KYNU: variants seen among roughly 807,000 people sequenced by gnomAD.
KYNU encodes the protein kynureninase.
A neutral mutation model predicts 59.2 loss-of-function variants in KYNU; 54 were observed. The observed-to-expected ratio is 0.91, with a 90% CI of 0.73 to 1.14. The LOEUF (loss-of-function observed/expected upper bound fraction) is 1.14. KYNU is among the 50% of genes most tolerant of loss of function. The probability of loss-of-function intolerance (pLI) is 0.00; values close to 1 mark genes in which losing one functional copy is unlikely to be tolerated. For synonymous variants in KYNU, 177 were observed against 192.0 expected (o/e 0.92, Z 0.65); for missense variants, 567 against 554.4 (o/e 1.02, Z -0.23).
At position 143,039,293 on chromosome 2, in the gene KYNU, G is replaced by A. The variant is rs560556592; in HGVS notation, c.1042-1135G>A. Among the ~76,000 whole-genome samples the A allele has an allele frequency of 2.6e-5, 4 of 152,196 alleles. No homozygotes were observed. In the South Asian group the frequency reaches 8.3e-4, roughly 32 times the overall value. On this transcript the variant is annotated intron_variant, in intron 12 of 13. Transcript: ENST00000264170. ...TAAACTGGAAGAGATTTGGGAGTCA[G>A]TAAAGCAGTTATAAATATCACCAGT...
At chr2:142,960,232 G>A (rs1684297815) in intron 7 of KYNU, among the ~76,000 whole-genome samples, 5 of 152,114 alleles carry the variant, frequency 3.3e-5, no homozygotes, top group Admixed American at 2.6e-4. Flanking sequence ...ATTGATAAAT[G>A]CAATACCAAT....
intron 2 of KYNU, among the ~76,000 whole-genome samples, chr2:142,915,510 T>C (rs555066780): frequency 6.6e-6 from 1 of 152,338 alleles, no homozygotes; most frequent in African/African-American, 2.4e-5. Flanking sequence ...TGTTGATATT[T>C]TGAAACTAGT....
At chr2:142,883,490 G>T (rs144400068) in intron 1 of KYNU, among the ~76,000 whole-genome samples, 3 of 151,902 alleles carry the variant, frequency 2.0e-5, no homozygotes, top group Non-Finnish European at 2.9e-5. Flanking sequence ...GAGCCACTGC[G>T]CCTGGCCCCA....
At chr2:143,015,323 T>A (rs1322782181) in intron 10 of KYNU, among the ~76,000 whole-genome samples, 1 of 152,080 alleles carries the variant, frequency 6.6e-6, no homozygotes, top group Non-Finnish European at 1.5e-5. Flanking sequence ...AAAATTTGAA[T>A]GGAAAAAGAG....
chr2:142,953,178 A>C (rs1457866899), intron 4 of KYNU, among the ~76,000 whole-genome samples: 1 of 152,206 alleles, frequency 6.6e-6, no homozygotes, highest in Non-Finnish European at 1.5e-5. Flanking sequence ...AGAAGTCATG[A>C]TGTCCTGGCA....
At chr2:142,971,918 C>T (rs1480565405) in intron 8 of KYNU, among the ~76,000 whole-genome samples, 1 of 152,180 alleles carries the variant, frequency 6.6e-6, no homozygotes, top group Admixed American at 6.6e-5. Flanking sequence ...TTCTTTGACA[C>T]ACTTAGGACG....
At chr2:142,981,218 T>A (rs553527896) in intron 8 of KYNU, among the ~76,000 whole-genome samples, 1 of 152,288 alleles carries the variant, frequency 6.6e-6, no homozygotes, top group Admixed American at 6.5e-5. Flanking sequence ...TTGTGGTTTC[T>A]TCAGTGTGCC....
chr2:142,919,018 A>G (rs1682777312), intron 3 of KYNU, among the ~76,000 whole-genome samples: 1 of 152,252 alleles, frequency 6.6e-6, no homozygotes, highest in Admixed American at 6.5e-5. Flanking sequence ...TGTCATGTAA[A>G]TAGCTGTTAT....
chr2:142,928,459 T>C (rs934975387), intron 4 of KYNU, among the ~76,000 whole-genome samples: 2 of 152,206 alleles, frequency 1.3e-5, no homozygotes, highest in Non-Finnish European at 2.9e-5. Flanking sequence ...TTTCAAATCC[T>C]TTTTGAAAGC....
At chr2:142,997,230 T>G (rs1685570248) in intron 10 of KYNU, among the ~76,000 whole-genome samples, 2 of 152,174 alleles carry the variant, frequency 1.3e-5, no homozygotes, top group Admixed American at 6.5e-5. Context: ...AATTTCCAAT[T>G]GTTCTCTAAA....
At chr2:142,918,195 T>C (rs1682733473) in intron 2 of KYNU, among the ~76,000 whole-genome samples, 1 of 152,208 alleles carries the variant, frequency 6.6e-6, no homozygotes, top group African/African-American at 2.4e-5. Context: ...TTAAAAAAAT[T>C]GCCATGTCTA....
At chr2:142,948,581 C>T (rs777726673) in intron 4 of KYNU, among the ~76,000 whole-genome samples, 1 of 152,160 alleles carries the variant, frequency 6.6e-6, no homozygotes, top group Non-Finnish European at 1.5e-5. Context: ...AAAGAGATAG[C>T]TTGTGTAGGG....
intron 8 of KYNU, among the ~76,000 whole-genome samples, chr2:142,973,980 A>G (rs1684814361): frequency 6.6e-6 from 1 of 152,234 alleles, no homozygotes; most frequent in Admixed American, 6.5e-5. Context: ...CACCACCCAA[A>G]GTATACTTAT....
At chr2:143,001,159 A>G (rs1471431093) in intron 10 of KYNU, among the ~76,000 whole-genome samples, 2 of 152,088 alleles carry the variant, frequency 1.3e-5, no homozygotes, top group Non-Finnish European at 2.9e-5. Flanking sequence ...CACAGATCCT[A>G]TCTAGGCAAG....
Position 142,940,782 on chromosome 2 carries a change from A to C in KYNU, c.373+13041A>C, listed in dbSNP as rs558182063. ...CCGCCACTTCAGATGCCAGTCAAAA[A>C]TCCTAGAAACCACCCTTACTTTAGA... On this transcript the variant is annotated intron_variant, in intron 4 of 13. Transcript: ENST00000264170. Among the ~76,000 whole-genome samples the C allele has an allele frequency of 6.3e-4, 96 of 152,304 alleles. 2 individuals are homozygous for C. In the Middle Eastern group the frequency reaches 0.01, roughly 16 times the overall value.
At position 143,002,344 on chromosome 2, in the gene KYNU, C is replaced by T. The variant is rs771710973; in HGVS notation, c.902+16323C>T. Among the ~76,000 whole-genome samples, 11 of 152,298 alleles carry T rather than the reference C, an allele frequency of 7.2e-5. No homozygotes were observed. In the South Asian group the frequency reaches 1.7e-3, roughly 23 times the overall value. The stretch of plus-strand genomic sequence containing the variant: ...AACCCCAATGTCTTGACCACAGTTA[C>T]GGAATCAGTTCTGAGTTCTTTTTTC... On this transcript the variant is annotated intron_variant, in intron 10 of 13. Transcript: ENST00000264170.
intron 8 of KYNU, among the ~76,000 whole-genome samples, chr2:142,983,131 TGAGC>T (rs755591156): frequency 0.011 from 1,663 of 152,164 alleles, 14 homozygotes; most frequent in Middle Eastern, 0.02. Flanking sequence ...AAGTCTCAGC[TGAGC>T]TCATTCATGT....
intron 8 of KYNU, among the ~76,000 whole-genome samples, chr2:142,975,144 C>G (rs1324455689): frequency 2.6e-5 from 4 of 152,090 alleles, no homozygotes; most frequent in Non-Finnish European, 1.5e-5. Flanking sequence ...CAAAACCACC[C>G]TGGCTCACCA....
At chr2:143,005,016 A>G (rs1033600275) in intron 10 of KYNU, among the ~76,000 whole-genome samples, 1 of 152,214 alleles carries the variant, frequency 6.6e-6, no homozygotes, top group Non-Finnish European at 1.5e-5. Flanking sequence ...CAACAAAAAT[A>G]TCTTGCCCTA....
Sources: gnomAD v4.1 joint callset for allele counts (sites outside exome capture counted in the v4.1 genomes callset) on GRCh38, gnomAD v4.1.1 for gene constraint, MANE v1.5 for transcripts, NCBI Gene and HGNC (gene_info 2026-07-23, HGNC 2026-07-21) for gene names.